Variants in MEF2A observed in about 807,000 individuals in gnomAD.
The protein encoded by MEF2A is myocyte enhancer factor 2A.
MEF2A carries 28 observed loss-of-function variants against 55.8 expected under a neutral mutation model. That is an observed-to-expected ratio of 0.50 (90% CI 0.37 to 0.69). The LOEUF is 0.69. Ranked by LOEUF, MEF2A falls within the 30% of genes least tolerant of loss-of-function variation. The pLI, the probability that MEF2A is intolerant of heterozygous loss-of-function variation, is 0.00. For missense variants in MEF2A, 528 were observed against 626.2 expected (o/e 0.84, Z 1.67); for synonymous variants, 239 against 227.1 (o/e 1.05, Z -0.47).
chr15:99,645,353 A>G (rs1251510832), intron 3 of MEF2A, among the ~76,000 whole-genome samples: 2 of 152,132 alleles, frequency 1.3e-5, no homozygotes, highest in African/African-American at 2.4e-5. Flanking sequence ...TCCCCAGGAG[A>G]CAGCTCTGTC....
At chr15:99,600,684 A>G (rs890568554) in intron 2 of MEF2A, among the ~76,000 whole-genome samples, 3 of 152,128 alleles carry the variant, frequency 2.0e-5, no homozygotes, top group African/African-American at 2.4e-5. Context: ...TTGAATTATC[A>G]TGGCACCATT....
intron 2 of MEF2A, among the ~76,000 whole-genome samples, chr15:99,632,073 A>G (rs961285276): frequency 3.9e-5 from 6 of 152,226 alleles, no homozygotes; most frequent in Non-Finnish European, 7.3e-5. Context: ...TGACACAGCC[A>G]TCATTCAGAA....
rs1193200821 is a variant in MEF2A, at chr15:99,714,298, CTAATT to C, written c.*1533_*1537del. 5 of 151,946 alleles carry C rather than the reference CTAATT, an allele frequency of 3.3e-5. No individual in the cohort carries two copies. Among genetic ancestry groups the C allele is most frequent in the Admixed American group, 1.3e-4 (2 of 15,260 alleles). 9.4% of individuals were successfully genotyped at this position (151,946 alleles called of 1,614,324 possible). A position where few individuals can be genotyped will look rare whatever the true frequency, so the allele number is the denominator to read the frequency against. ...AAAAAATGTAGTAGAAAAAGCTGAC[CTAATT>C]TAATTAATATTAGAGAAAATGGCAA... On this transcript the variant is annotated 3_prime_UTR_variant, in exon 12 of 12. Coordinates refer to ENST00000557942, the MANE Select transcript of MEF2A (RefSeq NM_001319206.4).
chr15:99,705,872 GAC>G lies in MEF2A; in HGVS notation c.883-853_883-852del, dbSNP rs557622842. Among the ~76,000 whole-genome samples, 39 of 152,330 alleles carry G rather than the reference GAC, an allele frequency of 2.6e-4. No homozygotes were observed. In the South Asian group the frequency reaches 7.7e-3, roughly 30 times the overall value. ...TGCTGTGGCTTTCTTATGTGCTAGTGACACAGAGTCTGTTGTGTTCCTCTGAT... is the reference window on the plus strand; with the variant it reads ...TGCTGTGGCTTTCTTATGTGCTAGTGACAGAGTCTGTTGTGTTCCTCTGAT... On this transcript the variant is annotated intron_variant, in intron 9 of 11. Transcript: ENST00000557942.
intron 3 of MEF2A, among the ~76,000 whole-genome samples, chr15:99,635,623 C>T (rs1433753503): frequency 6.6e-6 from 1 of 152,078 alleles, no homozygotes; most frequent in Non-Finnish European, 1.5e-5. Context: ...CAAGGAAGGT[C>T]ATTATCCTGA....
intron 4 of MEF2A, among the ~76,000 whole-genome samples, chr15:99,654,104 A>G (rs1284175913): frequency 6.6e-6 from 1 of 152,098 alleles, no homozygotes; most frequent in African/African-American, 2.4e-5. Flanking sequence ...ATGTAGTTGA[A>G]TTAAGTTTTT....
intron 1 of MEF2A, among the ~76,000 whole-genome samples, chr15:99,582,342 C>A (rs538080148): frequency 2.4e-4 from 36 of 152,178 alleles, no homozygotes; most frequent in East Asian, 1.2e-3. Context: ...ATTGTCCTTT[C>A]GTCATTCTTC....
chr15:99,656,626 C>T (rs2047760295), intron 4 of MEF2A, among the ~76,000 whole-genome samples: 1 of 152,114 alleles, frequency 6.6e-6, no homozygotes, highest in African/African-American at 2.4e-5. Flanking sequence ...CCAGAGCTTT[C>T]AGTAACCTAA....
intron 7 of MEF2A, among the ~76,000 whole-genome samples, chr15:99,687,260 C>T (rs1465021181): frequency 6.6e-6 from 1 of 151,852 alleles, no homozygotes; most frequent in East Asian, 1.9e-4. Context: ...AGAATGCAGT[C>T]TTGTCAGGAT....
At chr15:99,672,440 G>C (rs1054223591) in intron 5 of MEF2A, among the ~76,000 whole-genome samples, 6 of 152,170 alleles carry the variant, frequency 3.9e-5, no homozygotes, top group African/African-American at 1.4e-4. Context: ...AATTCTCACT[G>C]GAAGCTCCAT....
chr15:99,689,822 G>A (rs1007106021), intron 7 of MEF2A, among the ~76,000 whole-genome samples: 3 of 152,152 alleles, frequency 2.0e-5, no homozygotes, highest in African/African-American at 4.8e-5. Context: ...CAGGTCCAAG[G>A]AGTAATGCTG....
chr15:99,583,410 A>G (rs1966502524), intron 1 of MEF2A, among the ~76,000 whole-genome samples: 1 of 152,132 alleles, frequency 6.6e-6, no homozygotes, highest in Non-Finnish European at 1.5e-5. Flanking sequence ...ACTTTACTAG[A>G]TTGTTTAACC....
At chr15:99,650,970 G>A (rs779181242) in intron 4 of MEF2A, among the ~76,000 whole-genome samples, 5 of 152,160 alleles carry the variant, frequency 3.3e-5, no homozygotes, top group Non-Finnish European at 5.9e-5. Flanking sequence ...ACAGTTTCTT[G>A]GGAGTGGTTA....
intron 2 of MEF2A, among the ~76,000 whole-genome samples, chr15:99,619,877 C>G (rs1393378243): frequency 6.6e-6 from 1 of 152,172 alleles, no homozygotes; most frequent in African/African-American, 2.4e-5. Flanking sequence ...TGTAGGTTTT[C>G]TCACTTGGCT....
chr15:99,657,961 A>G (rs964124293), intron 4 of MEF2A, among the ~76,000 whole-genome samples: 1 of 152,148 alleles, frequency 6.6e-6, no homozygotes, highest in African/African-American at 2.4e-5. Flanking sequence ...GGGGAAGCAA[A>G]TTTATATCCT....
chr15:99,688,069 A>G (rs1178563928), intron 7 of MEF2A, among the ~76,000 whole-genome samples: 1 of 152,216 alleles, frequency 6.6e-6, no homozygotes, highest in Non-Finnish European at 1.5e-5. Flanking sequence ...CCAGCTTTGT[A>G]ATAAACACTT....
In MEF2A at chr15:99,690,255, A is replaced by C. The variant is rs2055113927; in HGVS notation, c.685A>C (p.Asn229His). ...GSSPVGNGFV[N>H]SRASPNLIGA... ...TTTCCCCCCAGGGAATGGATTTGTA[A>C]ACTCAAGAGCTTCTCCAAATTTGAT... Residue 229 changes from asparagine (N) to histidine (H), a missense_variant, in exon 8 of 12, where the codon AAC becomes CAC. Physicochemically the swap from Asn to His is moderately conservative, Grantham distance 68 (BLOSUM62 1). This residue lies in a region of MEF2A where 450 missense variants were observed against 475.3 expected (regional missense o/e 0.95). Transcript: ENST00000557942. 4.3e-6 allele frequency: 7 copies of C among 1,613,530 alleles called. No homozygotes were observed. The South Asian group carries it at 7.7e-5, about 18-fold the overall frequency.
intron 2 of MEF2A, among the ~76,000 whole-genome samples, chr15:99,615,335 G>T (rs919272937): frequency 8.5e-5 from 13 of 152,060 alleles, no homozygotes; most frequent in Non-Finnish European, 5.9e-5. Flanking sequence ...CAACTTGAGT[G>T]CATGTGTTGT....
intron 8 of MEF2A, among the ~76,000 whole-genome samples, chr15:99,697,928 A>G (rs759133253): frequency 2.6e-5 from 4 of 152,184 alleles, no homozygotes; most frequent in Admixed American, 6.5e-5. Flanking sequence ...CTATACGTAT[A>G]TATTCAGCTG....
Sources: allele counts gnomAD v4.1 joint callset (sites outside exome capture counted in the v4.1 genomes callset), GRCh38; gene constraint gnomAD v4.1.1; regional missense constraint gnomAD v4.1.1; transcripts MANE v1.5; gene names NCBI Gene and HGNC (gene_info 2026-07-23, HGNC 2026-07-21).